Variants in ANAPC2 observed in about 807,000 individuals in gnomAD.
ANAPC2 encodes anaphase-promoting complex subunit 2.
A neutral mutation model predicts 84.3 loss-of-function variants in ANAPC2; 29 were observed. That is an observed-to-expected ratio of 0.34 (90% CI 0.26 to 0.47). The LOEUF (loss-of-function observed/expected upper bound fraction) is 0.47, where lower values mean the gene tolerates loss of function less well. ANAPC2 is among the 20% of genes least tolerant of loss of function. ANAPC2 has a pLI of 1.00. For missense variants in ANAPC2, 857 were observed against 1,131.7 expected (o/e 0.76, Z 3.48); for synonymous variants, 571 against 479.4 (o/e 1.19, Z -2.50).
At chr9:137,187,002 T>A (rs2131342319) in intron 2 of ANAPC2, 2 of 175,690 alleles carry the variant, frequency 1.1e-5, no homozygotes, top group South Asian at 1.3e-4. Flanking sequence ...GCTAGAGAAC[T>A]ACAACAGGAC....
chr9:137,182,998 C>T, intron 6 of ANAPC2, 127 bp downstream of exon 6: 1 of 738,864 alleles, frequency 1.4e-6, no homozygotes, highest in South Asian at 1.7e-5. Context: ...CCCGTGCACT[C>T]AGCCCAGCCG....
Position 137,187,639 on chromosome 9 carries a change from G to A in ANAPC2, c.582C>T (p.Gly194=), listed in dbSNP as rs746282290. 4 of 1,614,102 alleles carry A rather than the reference G, an allele frequency of 2.5e-6. No homozygotes were observed. The highest frequency in any genetic ancestry group is 3.4e-6 in the Non-Finnish European group (4 of 1,180,036). Residue 194 remains glycine, a synonymous_variant, in exon 2 of 13, where the codon GGC becomes GGT. Transcript: ENST00000323927. The stretch of plus-strand genomic sequence containing the variant: ...GCTCCCCTTCCAGTTCCGGGTCTGT[G>A]CCCCCTTCCCCCTTCCTCTTACTCT... ...YMQSKRKGEG[G]TDPELEGELD... is the part of the protein sequence containing the mutation.
rs754065286 is a variant in ANAPC2 at position 137,187,943 on chromosome 9, T to C, written c.278A>G (p.Asn93Ser). ...LQANISPEFW[N>S]AISQCENSAD... ...AGAGTTCTCGCATTGGGAGATGGCA[T>C]TCCAGAACTCAGGGGAGATGTTGGC... The change falls in exon 2 of 13, where the codon AAT (asparagine) becomes AGT (serine). Residue 93 changes from asparagine (N) to serine (S), a missense_variant. Physicochemically the swap from Asn to Ser is conservative, Grantham distance 46. This residue lies in a region of ANAPC2 where 428 missense variants were observed against 513.8 expected (regional missense o/e 0.83). Coordinates refer to ENST00000323927, the MANE Select transcript of ANAPC2 (RefSeq NM_013366.4). The C allele has an allele frequency of 3.7e-6, 6 of 1,613,858 alleles. No individual in the cohort carries two copies. Among genetic ancestry groups the C allele is most frequent in the Non-Finnish European group, 5.1e-6 (6 of 1,180,024 alleles).
chr9:137,188,052 C>T lies in ANAPC2; in HGVS notation c.169G>A (p.Ala57Thr). The T allele has an allele frequency of 6.2e-7, 1 of 1,613,640 alleles. No homozygotes were observed. The highest frequency in any genetic ancestry group is 8.5e-7 in the Non-Finnish European group (1 of 1,180,016). Residue 57 changes from alanine (A) to threonine (T), a missense_variant, in exon 2 of 13, where the codon GCG becomes ACG. This residue lies in a region of ANAPC2 where 428 missense variants were observed against 513.8 expected (regional missense o/e 0.83). Transcript: ENST00000323927. The part of the protein sequence containing the change: ...AVPPKEEELR[A>T]AVEVLRGHGL... ...TGGCCCCTCAGAACCTCCACCGCCG[C>T]CCGGAGCTCCTCTTCCTTTGGCGGG...
intron 2 of ANAPC2, 136 bp downstream of exon 2, chr9:137,187,345 T>A: frequency 2.6e-6 from 3 of 1,146,732 alleles, no homozygotes; most frequent in African/African-American, 1.6e-5. Flanking sequence ...TGCACAGGAA[T>A]CCCTGGGACT....
In ANAPC2 at chr9:137,175,401, C is replaced by A. The variant is rs755689385; in HGVS notation, c.2092G>T (p.Val698Leu). ...PVALLRRRMS[V>L]WLQQGVLREE... ...CGCAGCACACCCTGCTGCAGCCACA[C>A]GGACATCCGCCGCCGCAGCAGCGCC... Residue 698 changes from valine to leucine, a missense_variant, in exon 12 of 13, where the codon GTG becomes TTG. By Grantham distance (32) the Val-to-Leu change is conservative. Transcript: ENST00000323927. 1.2e-6 allele frequency: 2 copies of A among 1,608,406 alleles called. No individual in the cohort carries two copies. Among genetic ancestry groups the A allele is most frequent in the South Asian group, 1.1e-5 (1 of 90,560 alleles).
Position 137,187,936 on chromosome 9 carries a change from G to A in ANAPC2, c.285C>T (p.Ile95=). The A allele has an allele frequency of 6.2e-7, 1 of 1,613,886 alleles. No individual in the cohort carries two copies. The highest frequency in any genetic ancestry group is 8.5e-7 in the Non-Finnish European group (1 of 1,180,026). The change falls in exon 2 of 13, where the codon ATC becomes ATT. Residue 95 remains isoleucine (I), a synonymous_variant. Transcript: ENST00000323927. ...CATCCGCAGAGTTCTCGCATTGGGAGATGGCATTCCAGAACTCAGGGGAGA... is the reference window on the plus strand; with the variant it reads ...CATCCGCAGAGTTCTCGCATTGGGAAATGGCATTCCAGAACTCAGGGGAGA... ...ANISPEFWNA[I]SQCENSADEP...
chr9:137,180,852 T>C lies in ANAPC2; in HGVS notation c.1546A>G (p.Ile516Val), dbSNP rs1342630650. The change falls in exon 8 of 13, where the codon ATC becomes GTC. Residue 516 changes from isoleucine (I) to valine (V), a missense_variant. By Grantham distance (29) the Ile-to-Val change is conservative. Transcript: ENST00000323927. ...GCCAGCAGCGAGCGGTACTCATTGATGAAGAGGTCCTTGCTGCCGTAGATG... is the reference window on the plus strand; with the variant it reads ...GCCAGCAGCGAGCGGTACTCATTGACGAAGAGGTCCTTGCTGCCGTAGATG... ...VSIYGSKDLF[I>V]NEYRSLLADR... The C allele has an allele frequency of 1.2e-6, 2 of 1,613,282 alleles. No individual in the cohort carries two copies. Among genetic ancestry groups the C allele is most frequent in the Non-Finnish European group, 8.5e-7 (1 of 1,179,952 alleles).
At chr9:137,185,123 C>T in intron 3 of ANAPC2, 36 bp from the exon 4 acceptor site, 1 of 1,488,662 alleles carries the variant, frequency 6.7e-7, no homozygotes, top group South Asian at 1.3e-5. Context: ...TGCAGGGAGG[C>T]ATGGTGAGCC....
At chr9:137,186,618 T>TCCC (rs1224716270) in intron 2 of ANAPC2, 3 of 486,796 alleles carry the variant, frequency 6.2e-6, no homozygotes, top group Non-Finnish European at 7.3e-6. Context: ...ACACTGGCCT[T>TCCC]CCCCATGTGA....
Position 137,174,954 on chromosome 9 carries a change from C to T in ANAPC2, c.2457G>A (p.Lys819=), listed in dbSNP as rs1259734935. 6.3e-7 allele frequency: 1 copy of T among 1,576,570 alleles called. No individual in the cohort carries two copies. The highest frequency in any genetic ancestry group is 2.3e-5 in the East Asian group (1 of 43,418). The change falls in exon 13 of 13, where the codon AAG becomes AAA. Residue 819 remains lysine (K), a synonymous_variant. Transcript: ENST00000323927. This position sits in a 1 kb window ranked among gnomAD's most constrained non-coding sequence, Gnocchi z 6.1. ...GGCGGGCGATGTGTCAGCTGCAGTT[C>T]TTGGGCAGGCGGTAGACGCCGGCCG... ...VYSAGVYRLP[K]NCS is the part of the protein sequence containing the mutation.
intron 7 of ANAPC2, 42 bp from the exon 8 acceptor site, chr9:137,180,971 G>T: frequency 6.2e-7 from 1 of 1,603,624 alleles, no homozygotes. Context: ...CAGGCACCTG[G>T]GCAAGGACAG....
At chr9:137,183,844 C>G in intron 4 of ANAPC2, 53 bp from the exon 5 acceptor site, 1 of 1,595,886 alleles carries the variant, frequency 6.3e-7, no homozygotes, top group Non-Finnish European at 8.6e-7. Flanking sequence ...TGCGCACGTG[C>G]AGGCTGGTGC....
intron 6 of ANAPC2, among the ~76,000 whole-genome samples, chr9:137,182,488 G>A (rs577195695): frequency 7.2e-5 from 11 of 151,950 alleles, no homozygotes; most frequent in Non-Finnish European, 1.6e-4. Context: ...CAGCCTGGGC[G>A]AAAGAGTGAG....
chr9:137,183,940 C>T (rs1834397733), intron 4 of ANAPC2, 149 bp from the exon 5 acceptor site: 8 of 1,100,794 alleles, frequency 7.3e-6, no homozygotes, highest in South Asian at 6.0e-5. Flanking sequence ...GACATCCCCC[C>T]GACACTCTGG....
At chr9:137,186,879 G>A (rs947062462) in intron 2 of ANAPC2, 1 of 163,358 alleles carries the variant, frequency 6.1e-6, no homozygotes, top group Non-Finnish European at 1.3e-5. Flanking sequence ...GCCAGCAAAA[G>A]GAGCACTCCT....
chr9:137,175,290 C>G lies in ANAPC2; in HGVS notation c.2203G>C (p.Glu735Gln), dbSNP rs765599515. 6.2e-7 allele frequency: 1 copy of G among 1,612,672 alleles called. No individual in the cohort carries two copies. The highest frequency in any genetic ancestry group is 8.5e-7 in the Non-Finnish European group (1 of 1,179,852). The change falls in exon 12 of 13, where the codon GAG becomes CAG. Residue 735 changes from glutamate (E) to glutamine (Q), a missense_variant. Around this residue, in one of 3 missense-constraint regions of ANAPC2, gnomAD observed 425 missense variants for 595.5 expected, o/e 0.71. Coordinates refer to ENST00000323927, the MANE Select transcript of ANAPC2 (RefSeq NM_013366.4). Reference protein sequence around the residue: ...DNMVLIDSDDESDSGMASQAD... With the variant: ...DNMVLIDSDDQSDSGMASQAD... ...TGGGAGGCCATGCCGGAGTCGCTCT[C>G]GTCGTCACTGTCAATGAGCACCATG...
chr9:137,182,050 G>A (rs1250398009), intron 6 of ANAPC2, among the ~76,000 whole-genome samples, 188 bp from the exon 7 acceptor site: 5 of 152,172 alleles, frequency 3.3e-5, no homozygotes, highest in African/African-American at 1.2e-4. Context: ...AACGTTACTT[G>A]GGAGCAGCAG....
chr9:137,183,387 C>T (rs568656157), intron 5 of ANAPC2, 145 bp from the exon 6 acceptor site: 26 of 807,950 alleles, frequency 3.2e-5, no homozygotes, highest in South Asian at 3.0e-4. Flanking sequence ...CCCATCCCCA[C>T]CTCTACCTGT....
Sources: gnomAD v4.1 joint callset for allele counts (sites outside exome capture counted in the v4.1 genomes callset) on GRCh38, gnomAD v4.1.1 for gene constraint, gnomAD v4.1.1 regional missense constraint, Gnocchi (gnomAD v3.1) non-coding constraint, MANE v1.5 for transcripts, NCBI Gene and HGNC (gene_info 2026-07-23, HGNC 2026-07-21) for gene names.